Variants in SPTA1 observed in about 807,000 individuals in gnomAD.
SPTA1 encodes the protein spectrin alpha chain, erythrocytic 1.
In SPTA1, 177 loss-of-function variants were observed where a neutral mutation model predicts 324.7. The observed-to-expected ratio is 0.55, with a 90% CI of 0.48 to 0.62. The LOEUF (loss-of-function observed/expected upper bound fraction) is 0.62, where lower values mean the gene tolerates loss of function less well. Among genes scored for constraint, SPTA1 ranks in the 20% least tolerant of loss-of-function variants. SPTA1 has a pLI of 0.00. For missense variants in SPTA1, 3,162 were observed against 2,883.6 expected, an observed-to-expected ratio of 1.10 and a Z score of -2.21; for synonymous variants, 1,195 against 1,041.3, an observed-to-expected ratio of 1.15 and a Z score of -2.84.
At position 158,623,324 on chromosome 1, in the gene SPTA1, T is replaced by C. The variant is rs181380050; in HGVS notation, c.5911-132A>G. ...GATGATGATTAAGAAAAAGGAAATA[T>C]AACTTAGAGATGTAAGCAAACATTT... On this transcript the variant is annotated intron_variant, in intron 42 of 51. Coordinates refer to ENST00000643759, the MANE Select transcript of SPTA1 (RefSeq NM_003126.4). The C allele has an allele frequency of 3.6e-6, 3 of 840,872 alleles. No homozygotes were observed. In the East Asian group the frequency reaches 7.3e-5, roughly 20 times the overall value. The allele number at this position is 840,872 out of a possible 1,614,324, so 52.1% of individuals were successfully genotyped here.
intron 35 of SPTA1, 54 bp downstream of exon 35, chr1:158,639,528 G>C: frequency 6.4e-7 from 1 of 1,572,550 alleles, no homozygotes; most frequent in Non-Finnish European, 8.8e-7. Flanking sequence ...GGAGGGAGAA[G>C]AGCCAGAAAT....
At chr1:158,613,984 A>G in intron 49 of SPTA1, 117 bp from the exon 50 acceptor site, 2 of 1,177,516 alleles carry the variant, frequency 1.7e-6, no homozygotes, top group Non-Finnish European at 2.4e-6. Flanking sequence ...TCACAAAACT[A>G]TCAGAGGACT....
rs765274573 is a variant in SPTA1, at chr1:158,678,488, A to G, written c.725T>C (p.Val242Ala). ...LPLIQSKQNE[V>A]NAAWERLRGL... ...ACGAAGGCGCTCCCAGGCAGCATTCACCTCATTTTGCTTAGACTGAATTAA... is the reference window on the plus strand; with the variant it reads ...ACGAAGGCGCTCCCAGGCAGCATTCGCCTCATTTTGCTTAGACTGAATTAA... The change falls in exon 6 of 52, where the codon GTG becomes GCG. Residue 242 changes from valine to alanine, a missense_variant. Transcript: ENST00000643759. 8.7e-6 allele frequency: 14 copies of G among 1,613,744 alleles called. No homozygotes were observed. The highest frequency in any genetic ancestry group is 3.3e-4 in the Middle Eastern group (2 of 6,058).
intron 1 of SPTA1, among the ~76,000 whole-genome samples, chr1:158,686,214 C>A (rs1326901830): frequency 1.3e-5 from 2 of 152,192 alleles, no homozygotes; most frequent in East Asian, 3.9e-4. Flanking sequence ...AGAATTAGAT[C>A]ATTACATGGA....
chr1:158,650,452 A>G (rs1028492253), intron 24 of SPTA1, among the ~76,000 whole-genome samples: 1 of 152,224 alleles, frequency 6.6e-6, no homozygotes, highest in African/African-American at 2.4e-5. Flanking sequence ...ATGGCATTCC[A>G]GAGAACTAGA....
chr1:158,675,080 C>G (rs774187104), intron 8 of SPTA1, among the ~76,000 whole-genome samples: 1 of 152,164 alleles, frequency 6.6e-6, no homozygotes, highest in Non-Finnish European at 1.5e-5. Context: ...CCTCATCTAT[C>G]TAGCTCATCT....
intron 23 of SPTA1, among the ~76,000 whole-genome samples, chr1:158,652,083 G>A (rs184678136): frequency 6.6e-6 from 1 of 152,274 alleles, no homozygotes; most frequent in African/African-American, 2.4e-5. Context: ...TGTTTGTCAA[G>A]TCAGGTTCTT....
At chr1:158,619,994 G>A (rs1045405902) in intron 44 of SPTA1, among the ~76,000 whole-genome samples, 176 bp downstream of exon 44, 2 of 152,174 alleles carry the variant, frequency 1.3e-5, no homozygotes, top group African/African-American at 4.8e-5. Flanking sequence ...ATGGGGCATA[G>A]GGTATACCTA....
At chr1:158,625,863 A>G (rs1174370971) in intron 42 of SPTA1, among the ~76,000 whole-genome samples, 1 of 151,788 alleles carries the variant, frequency 6.6e-6, no homozygotes, top group Non-Finnish European at 1.5e-5. Flanking sequence ...GTAAAAAAAG[A>G]TAATAATATA....
chr1:158,661,061 A>T (rs561862472), intron 18 of SPTA1, among the ~76,000 whole-genome samples: 1 of 152,322 alleles, frequency 6.6e-6, no homozygotes, highest in South Asian at 2.1e-4. Context: ...TACTTTAATA[A>T]TTTTTGTTTT....
chr1:158,660,095 T>C (rs950667611), intron 18 of SPTA1, among the ~76,000 whole-genome samples: 2 of 151,882 alleles, frequency 1.3e-5, no homozygotes, highest in African/African-American at 2.4e-5. Context: ...TCACAATAAA[T>C]ACAAAATTGA....
chr1:158,667,508 C>T (rs1042467254), intron 15 of SPTA1, among the ~76,000 whole-genome samples: 5 of 151,910 alleles, frequency 3.3e-5, no homozygotes, highest in Non-Finnish European at 7.4e-5. Context: ...CTTATAGAAC[C>T]AAAATAGGTA....
rs116774112 is a variant in SPTA1 at position 158,679,448 on chromosome 1, T to A, written c.679-914A>T. Among the ~76,000 whole-genome samples the A allele has an allele frequency of 6.6e-3, 1,000 of 152,258 alleles. 10 individuals are homozygous for A. The highest frequency in any genetic ancestry group is 0.023 in the African/African-American group (966 of 41,552). Reference sequence around the variant, plus strand: ...CTGATAGAAAGTAGCAGAAGTAATTTTCTATGAGTTCCAGCACCTAGGCCT... The same window carrying A: ...CTGATAGAAAGTAGCAGAAGTAATTATCTATGAGTTCCAGCACCTAGGCCT... On this transcript the variant is annotated intron_variant, in intron 5 of 51. Coordinates refer to ENST00000643759, the MANE Select transcript of SPTA1 (RefSeq NM_003126.4).
In SPTA1 at chr1:158,612,947, G is replaced by A. The variant is rs1649350384; in HGVS notation, c.7004C>T (p.Ser2335Leu). 1.2e-6 allele frequency: 2 copies of A among 1,613,748 alleles called. No individual in the cohort carries two copies. Among genetic ancestry groups the A allele is most frequent in the Non-Finnish European group, 8.5e-7 (1 of 1,179,878 alleles). ...AVDPGRKGYV[S>L]LEDYTAFLID... ...CAGGAAAGCAGTATAGTCCTCCAGTGAGACATAGCCCTTCCTGTGGGAGAA... is the reference window on the plus strand; with the variant it reads ...CAGGAAAGCAGTATAGTCCTCCAGTAAGACATAGCCCTTCCTGTGGGAGAA... Residue 2335 changes from serine to leucine, a missense_variant, in exon 51 of 52, where the codon TCA becomes TTA. Physicochemically the swap from Ser to Leu is moderately radical, Grantham distance 145. Coordinates refer to ENST00000643759, the MANE Select transcript of SPTA1 (RefSeq NM_003126.4).
At chr1:158,654,485 T>C (rs1652684382) in intron 21 of SPTA1, 126 bp downstream of exon 21, 6 of 1,326,782 alleles carry the variant, frequency 4.5e-6, no homozygotes, top group Admixed American at 4.7e-5. Context: ...TAATCAGTTA[T>C]AGTTATTCAA....
chr1:158,673,439 C>T (rs61820531), intron 10 of SPTA1, among the ~76,000 whole-genome samples: 1,553 of 152,102 alleles, frequency 0.01, 15 homozygotes, highest in Non-Finnish European at 0.015. Flanking sequence ...GAGGTGAAGC[C>T]CTATGATGTA....
intron 38 of SPTA1, among the ~76,000 whole-genome samples, chr1:158,635,186 C>T (rs532486262): frequency 1.3e-5 from 2 of 152,242 alleles, no homozygotes; most frequent in Admixed American, 6.5e-5. Context: ...ACTGTAATCC[C>T]TATGTATCAG....
chr1:158,648,729 T>C (rs1178434025), intron 25 of SPTA1, 76 bp from the exon 26 acceptor site: 3 of 1,528,726 alleles, frequency 2.0e-6, no homozygotes, highest in Non-Finnish European at 2.7e-6. Flanking sequence ...CACAAGAAAG[T>C]TATCATCACT....
intron 16 of SPTA1, among the ~76,000 whole-genome samples, chr1:158,666,031 C>A (rs1188136784): frequency 2.6e-5 from 4 of 151,968 alleles, no homozygotes; most frequent in Admixed American, 2.6e-4. Context: ...ACCCAGCACC[C>A]CTGGCTAGAT....
Sources: gnomAD v4.1 joint callset for allele counts (sites outside exome capture counted in the v4.1 genomes callset) on GRCh38, gnomAD v4.1.1 for gene constraint, MANE v1.5 for transcripts, NCBI Gene and HGNC (gene_info 2026-07-23, HGNC 2026-07-21) for gene names.